The following PROC variants were observed in gnomAD, a reference collection of about 807,000 sequenced individuals.
PROC encodes the protein vitamin K-dependent protein C.
Under a neutral mutation model 36.3 loss-of-function variants are expected in PROC, and 22 were observed. That is an observed-to-expected ratio of 0.61 (90% confidence interval 0.43 to 0.86). The LOEUF (loss-of-function observed/expected upper bound fraction) is 0.86, where lower values mean the gene tolerates loss of function less well. Among genes scored for constraint, PROC ranks in the 40% least tolerant of loss-of-function variants. The pLI, the probability that PROC is intolerant of heterozygous loss-of-function variation, is 0.00. For missense variants in PROC, 526 were observed against 629.7 expected, an observed-to-expected ratio of 0.84 and a Z score of 1.76; for synonymous variants, 218 against 244.5, an observed-to-expected ratio of 0.89 and a Z score of 1.01.
intron 1 of PROC, chr2:127,419,690 C>A: frequency 1.1e-6 from 1 of 944,094 alleles, no homozygotes; most frequent in Non-Finnish European, 1.5e-6. Context: ...GGCACCCTCT[C>A]CACTGCATTC....
Position 127,428,357 on chromosome 2 carries a change from G to A in PROC, c.797G>A (p.Gly266Glu). The stretch of plus-strand genomic sequence containing the variant: ...TCTGACTGTGCCCTCTGCCCTGCAG[G>A]AGAGTATGACCTGCGGCGCTGGGAG... Reference protein sequence around the residue: ...DESKKLLVRLGEYDLRRWEKW... With the variant: ...DESKKLLVRLEEYDLRRWEKW... Residue 266 changes from glycine to glutamate, a missense_variant and splice_region_variant, in exon 9 of 9, where the codon GGA (glycine) becomes GAA (glutamate). Transcript: ENST00000234071. 6.2e-7 allele frequency: 1 copy of A among 1,613,876 alleles called. No homozygotes were observed. The highest frequency in any genetic ancestry group is 8.5e-7 in the Non-Finnish European group (1 of 1,180,008).
chr2:127,423,653 C>T (rs1169053504), intron 6 of PROC: 4 of 502,050 alleles, frequency 8.0e-6, no homozygotes, highest in Non-Finnish European at 1.2e-5. Flanking sequence ...CGCCTTCCTC[C>T]GGGCGCCCCC....
At position 127,428,771 on chromosome 2, in the gene PROC, G is replaced by A; in HGVS notation, c.1211G>A (p.Gly404Glu). The A allele has an allele frequency of 6.2e-7, 1 of 1,612,672 alleles. No homozygotes were observed. The highest frequency in any genetic ancestry group is 1.1e-5 in the South Asian group (1 of 91,088). ...RQDACEGDSG[G>E]PMVASFHGTW... ...GATGCCTGCGAGGGCGACAGTGGGG[G>A]GCCCATGGTCGCCTCCTTCCACGGC... The change falls in exon 9 of 9, where the codon GGG (glycine) becomes GAG (glutamate). Residue 404 changes from glycine (G) to glutamate (E), a missense_variant. Gly to Glu is a moderately conservative substitution (Grantham distance 98, BLOSUM62 -2). Transcript: ENST00000234071.
chr2:127,424,833 C>A (rs1467034736), intron 6 of PROC, among the ~76,000 whole-genome samples: 1 of 152,236 alleles, frequency 6.6e-6, no homozygotes, highest in Non-Finnish European at 1.5e-5. Flanking sequence ...AACCCCAGAT[C>A]GTGAGGGCTT....
intron 2 of PROC, among the ~76,000 whole-genome samples, chr2:127,420,606 G>C (rs1347475797): frequency 6.6e-6 from 1 of 151,962 alleles, no homozygotes; most frequent in Non-Finnish European, 1.5e-5. Context: ...CCTCCTCTAG[G>C]ATGCCTTTTC....
intron 2 of PROC, among the ~76,000 whole-genome samples, chr2:127,420,955 C>G (rs1302119034): frequency 6.6e-6 from 1 of 152,174 alleles, no homozygotes; most frequent in Non-Finnish European, 1.5e-5. Context: ...ACATGACGGT[C>G]TCATCCCCAT....
At chr2:127,421,226 C>A in intron 2 of PROC, 57 bp from the exon 3 acceptor site, 1 of 1,585,402 alleles carries the variant, frequency 6.3e-7, no homozygotes, top group Non-Finnish European at 8.6e-7. Flanking sequence ...CCCCTCATGG[C>A]CCCAGCCCCT....
rs1375703057 is a variant in PROC, at chr2:127,419,963, CCT to C, written c.22_23del (p.Leu8AlafsTer16). The C allele has an allele frequency of 6.2e-7, 1 of 1,613,916 alleles. No individual in the cohort carries two copies. Among genetic ancestry groups the C allele is most frequent in the East Asian group, 2.2e-5 (1 of 44,880 alleles). On this transcript the variant is annotated frameshift_variant, in exon 2 of 9. Coordinates refer to ENST00000234071, the MANE Select transcript of PROC (RefSeq NM_000312.4). LOFTEE classifies it high-confidence loss of function. ...CCAGAATGTGGCAGCTCACAAGCCT[CCT>C]GCTGTTCGTGGCCACCTGGGGAATT... MWQLTSL[L>X]LFVATWGISG...
chr2:127,422,809 T>C (rs2104950746), intron 3 of PROC, 108 bp from the exon 4 acceptor site: 2 of 1,451,808 alleles, frequency 1.4e-6, no homozygotes, highest in Non-Finnish European at 1.9e-6. Flanking sequence ...CCTGTTTGTC[T>C]GGAAGCCCTC....
At chr2:127,420,266 G>A (rs994187013) in intron 2 of PROC, among the ~76,000 whole-genome samples, 5 of 152,150 alleles carry the variant, frequency 3.3e-5, no homozygotes, top group Admixed American at 6.5e-5. Context: ...TCCTCCACAC[G>A]GGGATGGTCA....
intron 7 of PROC, 79 bp from the exon 8 acceptor site, chr2:127,427,026 T>C (rs562780920): frequency 1.7e-5 from 21 of 1,216,098 alleles, no homozygotes; most frequent in Admixed American, 1.0e-4. Flanking sequence ...CCCAGGAAAG[T>C]GCATATGAAA....
rs982371629 is a variant in PROC at position 127,428,606 on chromosome 2, A to G, written c.1046A>G (p.Glu349Gly). ...VTGWGYHSSREKEAKRNRTFV... is the reference protein window; with the variant it reads ...VTGWGYHSSRGKEAKRNRTFV... ...GGCTGGGGCTACCACAGCAGCCGAG[A>G]GAAGGAGGCCAAGAGAAACCGCACC... The change falls in exon 9 of 9, where the codon GAG becomes GGG. Residue 349 changes from glutamate to glycine, a missense_variant. Physicochemically the swap from Glu to Gly is moderately conservative, Grantham distance 98 (BLOSUM62 -2). Transcript: ENST00000234071. The G allele has an allele frequency of 3.7e-6, 6 of 1,613,934 alleles. No homozygotes were observed. Among genetic ancestry groups the G allele is most frequent in the Non-Finnish European group, 5.1e-6 (6 of 1,180,048 alleles).
chr2:127,421,176 C>G, intron 2 of PROC, 107 bp from the exon 3 acceptor site: 1 of 1,216,632 alleles, frequency 8.2e-7, no homozygotes, highest in Middle Eastern at 2.8e-4. Flanking sequence ...GGGGCGGAGA[C>G]AAGACCTTCC....
rs2104934754 is a variant in PROC at position 127,418,472 on chromosome 2, G to C, written c.-42G>C. ...ATGGCGGCAGGACGGCGAACTTGCA[G>C]TATCTCCACGACCCGCCCCTGTGAG... On this transcript the variant is annotated 5_prime_UTR_variant, in exon 1 of 9. Transcript: ENST00000234071. This position sits in a 1 kb window ranked among gnomAD's most constrained non-coding sequence, Gnocchi z 4.8. The C allele has an allele frequency of 7.8e-7, 1 of 1,289,830 alleles. No individual in the cohort carries two copies. The highest frequency in any genetic ancestry group is 1.0e-6 in the Non-Finnish European group (1 of 988,870). The allele number at this position is 1,289,830 out of a possible 1,614,324, so 79.9% of individuals were successfully genotyped here.
chr2:127,423,591 G>A, intron 6 of PROC, 183 bp downstream of exon 6: 2 of 772,174 alleles, frequency 2.6e-6, no homozygotes, highest in Non-Finnish European at 3.8e-6. Context: ...CAATCAGCCC[G>A]GGAGCTGGGC....
At position 127,423,360 on chromosome 2, in the gene PROC, G is replaced by T; in HGVS notation, c.487G>T (p.Ala163Ser). 1 of 1,550,404 alleles carries T rather than the reference G, an allele frequency of 6.4e-7. No homozygotes were observed. The highest frequency in any genetic ancestry group is 1.4e-5 in the African/African-American group (1 of 73,102). Residue 163 changes from alanine to serine, a missense_variant, in exon 6 of 9, where the codon GCG becomes TCG. Coordinates refer to ENST00000234071, the MANE Select transcript of PROC (RefSeq NM_000312.4). ...GGTGGGCTGGCGGCGCTGTAGCTGT[G>T]CGCCTGGCTACAAGCTGGGGGACGA... is the stretch of plus-strand genomic sequence containing the variant. ...EEVGWRRCSC[A>S]PGYKLGDDLL...
At chr2:127,423,681 C>A in intron 6 of PROC, 1 of 483,930 alleles carries the variant, frequency 2.1e-6, no homozygotes, top group Non-Finnish European at 3.6e-6. Flanking sequence ...CTGGGGCCAC[C>A]TCCTGGAGCG....
At position 127,419,973 on chromosome 2, in the gene PROC, G is replaced by A. The variant is rs368493458; in HGVS notation, c.31G>A (p.Val11Met). 1.7e-5 allele frequency: 28 copies of A among 1,613,716 alleles called. No homozygotes were observed. In the East Asian group the frequency reaches 1.8e-4, roughly 10 times the overall value. Residue 11 changes from valine (V) to methionine (M), a missense_variant, in exon 2 of 9, where the codon GTG (valine) becomes ATG (methionine). By Grantham distance (21) the Val-to-Met change is conservative. Coordinates refer to ENST00000234071, the MANE Select transcript of PROC (RefSeq NM_000312.4). ...GCAGCTCACAAGCCTCCTGCTGTTC[G>A]TGGCCACCTGGGGAATTTCCGGCAC... Reference protein sequence around the residue: MWQLTSLLLFVATWGISGTPA... With the variant: MWQLTSLLLFMATWGISGTPA...
intron 2 of PROC, among the ~76,000 whole-genome samples, chr2:127,420,799 G>A (rs1424871535): frequency 6.6e-6 from 1 of 152,200 alleles, no homozygotes; most frequent in African/African-American, 2.4e-5. Context: ...GGTTGGGGGA[G>A]GAGAGGAAGA....
Sources: allele counts gnomAD v4.1 joint callset (sites outside exome capture counted in the v4.1 genomes callset), GRCh38; gene constraint gnomAD v4.1.1; non-coding constraint Gnocchi (gnomAD v3.1); transcripts MANE v1.5; gene names NCBI Gene and HGNC (gene_info 2026-07-23, HGNC 2026-07-21).